SPIDR: variants seen among roughly 807,000 people sequenced by gnomAD.
SPIDR encodes scaffold protein involved in DNA repair, also known as DNA repair-scaffolding protein.
SPIDR carries 93 observed loss-of-function variants against 104.6 expected under a neutral mutation model. The ratio of observed to expected loss-of-function variants is 0.89; its 90% CI spans 0.75 to 1.06. The LOEUF is 1.06. SPIDR is among the 50% of genes least tolerant of loss of function. The probability of loss-of-function intolerance (pLI) is 0.00; values close to 1 mark genes in which losing one functional copy is unlikely to be tolerated. For missense variants in SPIDR, 1,154 were observed against 1,111.2 expected (o/e 1.04, Z -0.55); for synonymous variants, 431 against 416.9 (o/e 1.03, Z -0.41).
intron 8 of SPIDR, among the ~76,000 whole-genome samples, chr8:47,551,003 C>T (rs1283407883): frequency 6.6e-6 from 1 of 152,096 alleles, no homozygotes; most frequent in Non-Finnish European, 1.5e-5. Context: ...TGTCAAAGGC[C>T]TTTTCTGCAT....
At chr8:47,382,880 G>A (rs782572332) in intron 5 of SPIDR, among the ~76,000 whole-genome samples, 3 of 152,184 alleles carry the variant, frequency 2.0e-5, no homozygotes, top group Non-Finnish European at 4.4e-5. Flanking sequence ...CCAAAAAACT[G>A]GAAGATTTCA....
At chr8:47,271,145 C>T (rs1256271404) in intron 1 of SPIDR, among the ~76,000 whole-genome samples, 4 of 152,094 alleles carry the variant, frequency 2.6e-5, no homozygotes, top group African/African-American at 9.7e-5. Flanking sequence ...TCTTTTGCTA[C>T]TTTCATAGTT....
At chr8:47,549,149 T>G (rs1247632522) in intron 8 of SPIDR, among the ~76,000 whole-genome samples, 1 of 152,242 alleles carries the variant, frequency 6.6e-6, no homozygotes, top group Non-Finnish European at 1.5e-5. Flanking sequence ...ATGTGCCAAT[T>G]TTCTTAATCC....
At chr8:47,265,188 C>CT (rs397892978) in intron 1 of SPIDR, among the ~76,000 whole-genome samples, 7,291 of 108,952 alleles carry the variant, frequency 0.067, 670 homozygotes, top group African/African-American at 0.19. Context: ...TCTCAGTTGT[C>CT]TTTTTTTTTT....
chr8:47,648,275 A>G (rs1026895129), intron 10 of SPIDR, among the ~76,000 whole-genome samples: 6 of 152,218 alleles, frequency 3.9e-5, no homozygotes, highest in African/African-American at 1.4e-4. Flanking sequence ...GGTTTGGGCA[A>G]CAAGATGAAT....
At chr8:47,410,248 C>T (rs2154325017) in intron 7 of SPIDR, among the ~76,000 whole-genome samples, 1 of 151,638 alleles carries the variant, frequency 6.6e-6, no homozygotes, top group East Asian at 1.9e-4. Context: ...GTGGCAAGAT[C>T]CTGACTCACT....
intron 2 of SPIDR, 122 bp downstream of exon 2, chr8:47,280,139 A>G (rs1172365301): frequency 3.2e-6 from 3 of 928,406 alleles, no homozygotes; most frequent in Non-Finnish European, 3.1e-6. Flanking sequence ...TGTAACTGGT[A>G]CACTCCTTTT....
chr8:47,336,427 G>T (rs2049759276), intron 5 of SPIDR, among the ~76,000 whole-genome samples: 1 of 152,198 alleles, frequency 6.6e-6, no homozygotes, highest in Admixed American at 6.5e-5. Flanking sequence ...TGGCTGGGGA[G>T]ATGGGAGCTC....
intron 8 of SPIDR, among the ~76,000 whole-genome samples, chr8:47,466,706 C>CAAAAAAAAAAAAAAAAAAAAAAAAAAAAA (rs78296344): frequency 7.4e-6 from 1 of 135,000 alleles, no homozygotes; most frequent in African/African-American, 2.8e-5. Context: ...ACGAAAAATA[C>CAAAAAAAAAAAAAAAAAAAAAAAAAAAAA]AAAAAAAAAA....
intron 8 of SPIDR, among the ~76,000 whole-genome samples, chr8:47,493,471 G>GT (rs1403582958): frequency 1.3e-5 from 2 of 151,818 alleles, no homozygotes; most frequent in East Asian, 1.9e-4. Flanking sequence ...ATTGTGCTTT[G>GT]TTTTTTAACA....
intron 5 of SPIDR, among the ~76,000 whole-genome samples, chr8:47,350,553 A>T (rs1175385337): frequency 1.3e-5 from 2 of 152,156 alleles, no homozygotes; most frequent in African/African-American, 2.4e-5. Context: ...ACATTAAGTG[A>T]TCTGCCTGCC....
At chr8:47,297,107 G>T (rs2154242984) in intron 5 of SPIDR, among the ~76,000 whole-genome samples, 1 of 152,238 alleles carries the variant, frequency 6.6e-6, no homozygotes, top group East Asian at 1.9e-4. Context: ...AGACTTAATG[G>T]TTTTTTGGTG....
intron 8 of SPIDR, among the ~76,000 whole-genome samples, chr8:47,544,692 T>C (rs1341621444): frequency 6.6e-6 from 1 of 152,256 alleles, no homozygotes; most frequent in Non-Finnish European, 1.5e-5. Context: ...TTGATCGTTG[T>C]GTGTGTTTCT....
intron 8 of SPIDR, among the ~76,000 whole-genome samples, chr8:47,540,280 G>A (rs2087839736): frequency 6.6e-6 from 1 of 152,014 alleles, no homozygotes; most frequent in African/African-American, 2.4e-5. Flanking sequence ...AAGCATAGGG[G>A]AAAATAAATA....
chr8:47,268,068 C>A (rs903847936), intron 1 of SPIDR, among the ~76,000 whole-genome samples: 7 of 152,164 alleles, frequency 4.6e-5, no homozygotes, highest in African/African-American at 7.2e-5. Flanking sequence ...CCAGTTGTTT[C>A]AACACTGTTT....
chr8:47,379,927 C>A (rs980722313), intron 5 of SPIDR, among the ~76,000 whole-genome samples: 2 of 152,208 alleles, frequency 1.3e-5, no homozygotes, highest in Admixed American at 6.5e-5. Context: ...AGAACACTCA[C>A]CTGGCTTGAT....
intron 10 of SPIDR, among the ~76,000 whole-genome samples, chr8:47,670,181 C>T (rs1278710395): frequency 2.0e-5 from 3 of 152,048 alleles, no homozygotes; most frequent in Non-Finnish European, 4.4e-5. Flanking sequence ...CTCCAGTTCC[C>T]CTACATGTCC....
chr8:47,559,867 C>T (rs1175984828), intron 8 of SPIDR, among the ~76,000 whole-genome samples: 1 of 152,220 alleles, frequency 6.6e-6, no homozygotes, highest in African/African-American at 2.4e-5. Flanking sequence ...CAAACACAAA[C>T]AGAAACTGAT....
chr8:47,445,149 A>G (rs2070315216), intron 8 of SPIDR, among the ~76,000 whole-genome samples: 1 of 152,154 alleles, frequency 6.6e-6, no homozygotes, highest in Non-Finnish European at 1.5e-5. Context: ...CACTAAACAC[A>G]TGTTGCACTT....
Sources: gnomAD v4.1 joint callset for allele counts (sites outside exome capture counted in the v4.1 genomes callset) on GRCh38, gnomAD v4.1.1 for gene constraint, MANE v1.5 for transcripts, NCBI Gene and HGNC (gene_info 2026-07-23, HGNC 2026-07-21) for gene names.